Variants in DSCAM observed in about 807,000 individuals in gnomAD.
DSCAM encodes cell adhesion molecule DSCAM.
DSCAM carries 47 observed loss-of-function variants against 217.7 expected under a neutral mutation model. That is an observed-to-expected ratio of 0.22 (90% CI 0.17 to 0.28). The LOEUF is 0.28. Ranked by LOEUF, DSCAM falls within the 10% of genes least tolerant of loss-of-function variation. DSCAM has a pLI of 1.00. For synonymous variants in DSCAM, 1,056 were observed against 1,015.3 expected (o/e 1.04, Z -0.76); for missense variants, 2,080 against 2,618.3 (o/e 0.79, Z 4.49).
rs529528356 is a variant in DSCAM, at chr21:40,017,680, T to C, written c.5687-4294A>G. Among the ~76,000 whole-genome samples the C allele has an allele frequency of 3.4e-4, 52 of 151,868 alleles. 1 individual carries two copies. In the South Asian group the frequency reaches 9.8e-3, roughly 29 times the overall value. ...GATTCTCCCCCCTCAGCCTCCTGAG[T>C]AGCTGGGATTACAGGCATGCACCAC... On this transcript the variant is annotated intron_variant, in intron 32 of 32. Transcript: ENST00000400454.
At position 40,011,709 on chromosome 21, in the gene DSCAM, T is replaced by G. The variant is rs2088058299; in HGVS notation, c.*1325A>C. On this transcript the variant is annotated 3_prime_UTR_variant, in exon 33 of 33. Transcript: ENST00000400454. ...AGGATGAGCCACATGGGAGATAAAG[T>G]GAGGGAAAGGAAAGTAAAAACTTAG... is the stretch of plus-strand genomic sequence containing the variant. The G allele has an allele frequency of 6.6e-6, 1 of 152,090 alleles. No individual in the cohort carries two copies. Among genetic ancestry groups the G allele is most frequent in the African/African-American group, 2.4e-5 (1 of 41,418 alleles). 9.4% of individuals were successfully genotyped at this position (152,090 alleles called of 1,614,324 possible). A position where few individuals can be genotyped will look rare whatever the true frequency, so the allele number is the denominator to read the frequency against.
chr21:40,264,471 A>G (rs2123337225), intron 11 of DSCAM, among the ~76,000 whole-genome samples: 1 of 152,318 alleles, frequency 6.6e-6, no homozygotes, highest in Non-Finnish European at 1.5e-5. Context: ...GATCATCTCA[A>G]TAGAGGCAGA....
chr21:40,586,357 C>G (rs554742487), intron 3 of DSCAM, among the ~76,000 whole-genome samples: 1 of 152,292 alleles, frequency 6.6e-6, no homozygotes, highest in South Asian at 2.1e-4. Context: ...TTTACAGCAA[C>G]ATAAAAGCAG....
At chr21:40,582,810 G>T (rs1363218477) in intron 3 of DSCAM, among the ~76,000 whole-genome samples, 1 of 152,088 alleles carries the variant, frequency 6.6e-6, no homozygotes, top group East Asian at 1.9e-4. Context: ...CCTATATTTG[G>T]AAACACTAAG....
chr21:40,587,681 C>G (rs2076956455), intron 3 of DSCAM, among the ~76,000 whole-genome samples: 1 of 151,920 alleles, frequency 6.6e-6, no homozygotes, highest in Non-Finnish European at 1.5e-5. Context: ...CAAGTTTTAG[C>G]CCAAATAAAA....
intron 15 of DSCAM, among the ~76,000 whole-genome samples, chr21:40,178,269 G>A (rs556360259): frequency 1.0e-3 from 157 of 152,200 alleles, no homozygotes; most frequent in Middle Eastern, 6.8e-3. Context: ...GTGCATGTGC[G>A]TGTGTGGGTG....
intron 3 of DSCAM, among the ~76,000 whole-genome samples, chr21:40,416,029 TTCA>T (rs1350448115): frequency 6.6e-6 from 1 of 152,200 alleles, no homozygotes; most frequent in Non-Finnish European, 1.5e-5. Flanking sequence ...CAATCTAGAC[TTCA>T]TCAGTTTTTC....
At chr21:40,233,998 C>T (rs2091404395) in intron 11 of DSCAM, among the ~76,000 whole-genome samples, 1 of 152,184 alleles carries the variant, frequency 6.6e-6, no homozygotes, top group African/African-American at 2.4e-5. Context: ...AATCTCAGTT[C>T]CCAGGCTAAT....
At chr21:40,572,660 G>C (rs537140287) in intron 3 of DSCAM, among the ~76,000 whole-genome samples, 62 of 152,064 alleles carry the variant, frequency 4.1e-4, no homozygotes, top group Admixed American at 1.4e-3. Context: ...GAGAGAAAAA[G>C]GAGTATATTC....
intron 3 of DSCAM, among the ~76,000 whole-genome samples, chr21:40,415,340 T>C (rs549310890): frequency 3.9e-4 from 60 of 152,360 alleles, no homozygotes; most frequent in African/African-American, 1.4e-3. Flanking sequence ...ACAGTCTCTT[T>C]AACAGAGCGT....
intron 1 of DSCAM, among the ~76,000 whole-genome samples, chr21:40,766,103 G>A (rs57110433): frequency 8.7e-4 from 132 of 152,278 alleles, no homozygotes; most frequent in African/African-American, 2.6e-3. Flanking sequence ...TTCAAATTGC[G>A]GCCGTTTCCC....
intron 11 of DSCAM, among the ~76,000 whole-genome samples, chr21:40,241,032 G>T (rs1037555859): frequency 1.3e-5 from 2 of 152,082 alleles, no homozygotes; most frequent in African/African-American, 4.8e-5. Flanking sequence ...AACTGTAAAA[G>T]CCCTGGAAGA....
chr21:40,295,046 C>G (rs2073938811), intron 10 of DSCAM, among the ~76,000 whole-genome samples: 1 of 152,080 alleles, frequency 6.6e-6, no homozygotes, highest in Admixed American at 6.5e-5. Flanking sequence ...TTCCTTTGGT[C>G]ATTGTTGCTT....
intron 3 of DSCAM, among the ~76,000 whole-genome samples, chr21:40,425,632 A>G (rs915909244): frequency 7.0e-6 from 1 of 143,772 alleles, no homozygotes; most frequent in Non-Finnish European, 1.5e-5. Flanking sequence ...AATCGCTTGA[A>G]CTCCAGCCTG....
intron 1 of DSCAM, among the ~76,000 whole-genome samples, chr21:40,828,898 T>C (rs2091991013): frequency 6.6e-6 from 1 of 152,288 alleles, no homozygotes; most frequent in Admixed American, 6.5e-5. Context: ...CCTCAGGTGA[T>C]CCACCCGCCT....
intron 3 of DSCAM, among the ~76,000 whole-genome samples, chr21:40,399,381 GT>G (rs1285182063): frequency 6.6e-6 from 1 of 152,150 alleles, no homozygotes; most frequent in Non-Finnish European, 1.5e-5. Context: ...GTGGAAAAGG[GT>G]TTCTATATTG....
chr21:40,330,731 A>C (rs2074369722), intron 8 of DSCAM, among the ~76,000 whole-genome samples: 1 of 152,156 alleles, frequency 6.6e-6, no homozygotes, highest in Non-Finnish European at 1.5e-5. Flanking sequence ...TTGAAGCATG[A>C]GTGCTTTCTT....
intron 13 of DSCAM, 72 bp downstream of exon 13, chr21:40,187,819 T>C (rs1030349583): frequency 1.4e-5 from 18 of 1,304,560 alleles, no homozygotes; most frequent in Non-Finnish European, 1.9e-5. Context: ...GACACAGAGA[T>C]GCCTGAGGCT....
chr21:40,191,427 G>C (rs1388600461), intron 11 of DSCAM, among the ~76,000 whole-genome samples: 2 of 152,134 alleles, frequency 1.3e-5, no homozygotes, highest in Non-Finnish European at 2.9e-5. Flanking sequence ...TGGCATTTCT[G>C]AGATGCAGCA....
Sources: allele counts gnomAD v4.1 joint callset (sites outside exome capture counted in the v4.1 genomes callset), GRCh38; gene constraint gnomAD v4.1.1; transcripts MANE v1.5; gene names NCBI Gene and HGNC (gene_info 2026-07-23, HGNC 2026-07-21).